GAD2: variants seen among roughly 807,000 people sequenced by gnomAD.
The protein encoded by GAD2 is 65 kDa glutamic acid decarboxylase.
GAD2 carries 22 observed loss-of-function variants against 80.1 expected under a neutral mutation model. That is an observed-to-expected ratio of 0.27 (90% confidence interval 0.20 to 0.39). The LOEUF is 0.39. GAD2 is among the 10% of genes least tolerant of loss of function. GAD2 has a pLI of 1.00. For synonymous variants in GAD2, 274 were observed against 256.9 expected (o/e 1.07, Z -0.64); for missense variants, 624 against 738.4 (o/e 0.85, Z 1.80).
chr10:26,265,203 G>A (rs571792695), intron 8 of GAD2, among the ~76,000 whole-genome samples: 269 of 136,022 alleles, frequency 2.0e-3, no homozygotes, highest in African/African-American at 7.9e-3. Context: ...AGCATCATAC[G>A]ACTTTTTTTT....
At chr10:26,239,441 G>A (rs1000229848) in intron 7 of GAD2, among the ~76,000 whole-genome samples, 4 of 152,138 alleles carry the variant, frequency 2.6e-5, no homozygotes, top group African/African-American at 9.7e-5. Flanking sequence ...GGTCCACGGA[G>A]TCCACCAGAG....
At chr10:26,292,021 GCAGA>G (rs1834220765) in intron 13 of GAD2, among the ~76,000 whole-genome samples, 1 of 152,158 alleles carries the variant, frequency 6.6e-6, no homozygotes, top group Admixed American at 6.5e-5. Context: ...AGGTACACTG[GCAGA>G]CAAAGATGGG....
chr10:26,257,489 C>T (rs761555286), intron 8 of GAD2, among the ~76,000 whole-genome samples: 2 of 152,224 alleles, frequency 1.3e-5, no homozygotes, highest in South Asian at 2.1e-4. Flanking sequence ...ATCTGAATTA[C>T]TCATAATTTG....
At chr10:26,257,243 G>C (rs975868544) in intron 8 of GAD2, among the ~76,000 whole-genome samples, 2 of 152,070 alleles carry the variant, frequency 1.3e-5, no homozygotes, top group Non-Finnish European at 2.9e-5. Flanking sequence ...CAGGCATGGT[G>C]GTGGGCACCT....
rs1315193127 is a variant in GAD2, at chr10:26,304,376, T to G, written c.*3415T>G. The G allele has an allele frequency of 1.3e-5, 2 of 152,642 alleles. No individual in the cohort carries two copies. The highest frequency in any genetic ancestry group is 2.9e-5 in the Non-Finnish European group (2 of 68,040). 9.5% of individuals were successfully genotyped at this position (152,642 alleles called of 1,614,324 possible). ...CAAACTACCGTTCCCAAATTGGTGT[T>G]TCTGAATGACATCAACATTCCCCCA... On this transcript the variant is annotated 3_prime_UTR_variant, in exon 16 of 16. Coordinates refer to ENST00000376261, the MANE Select transcript of GAD2 (RefSeq NM_001134366.2).
At chr10:26,228,839 G>A (rs894158796) in intron 6 of GAD2, among the ~76,000 whole-genome samples, 2 of 151,398 alleles carry the variant, frequency 1.3e-5, no homozygotes, top group Non-Finnish European at 2.9e-5. Flanking sequence ...TGGAAAAATT[G>A]TCTTCCACGA....
At chr10:26,221,191 GT>G (rs1480763349) in intron 4 of GAD2, among the ~76,000 whole-genome samples, 8 of 152,214 alleles carry the variant, frequency 5.3e-5, no homozygotes, top group African/African-American at 1.9e-4. Context: ...TTTAGGGTAT[GT>G]CAAATTAGTT....
intron 7 of GAD2, among the ~76,000 whole-genome samples, chr10:26,241,308 T>A (rs938927990): frequency 6.6e-6 from 1 of 152,230 alleles, no homozygotes; most frequent in Non-Finnish European, 1.5e-5. Flanking sequence ...GAGTCTTGAT[T>A]ATTTTGGGAC....
At chr10:26,225,229 T>A (rs747780531) in intron 6 of GAD2, among the ~76,000 whole-genome samples, 2 of 152,200 alleles carry the variant, frequency 1.3e-5, no homozygotes, top group Non-Finnish European at 2.9e-5. Flanking sequence ...TCCCTTCTCT[T>A]CTTTATCATG....
At position 26,217,918 on chromosome 10, in the gene GAD2, C is replaced by T. The variant is rs569478704; in HGVS notation, c.213C>T (p.Ala71=). 25 of 1,611,306 alleles carry T rather than the reference C, an allele frequency of 1.6e-5. No homozygotes were observed. The East Asian group carries it at 4.0e-4, about 26-fold the overall frequency. ...CCCCGCGGGCCGCCGCCCGGAAGGC[C>T]GCCTGCGCCTGCGACCAGAAGCCCT... ...SQPPRAAARK[A]ACACDQKPCS... The change falls in exon 3 of 16, where the codon GCC becomes GCT. Residue 71 remains alanine (A), a synonymous_variant. Coordinates refer to ENST00000376261, the MANE Select transcript of GAD2 (RefSeq NM_001134366.2). This position sits in a 1 kb window ranked among gnomAD's most constrained non-coding sequence, Gnocchi z 4.9.
At chr10:26,255,903 AC>A (rs970714296) in intron 8 of GAD2, among the ~76,000 whole-genome samples, 15 of 149,558 alleles carry the variant, frequency 1.0e-4, no homozygotes, top group African/African-American at 3.4e-4. Flanking sequence ...TGCAAGGAGG[AC>A]TGGGGAGGGA....
intron 11 of GAD2, among the ~76,000 whole-genome samples, chr10:26,278,165 A>G (rs1006925481): frequency 3.9e-5 from 6 of 152,196 alleles, no homozygotes; most frequent in African/African-American, 1.4e-4. Context: ...ATAGGCCCCC[A>G]CGTAGAGATA....
intron 11 of GAD2, among the ~76,000 whole-genome samples, chr10:26,280,206 G>A (rs1845256456): frequency 6.6e-6 from 1 of 152,196 alleles, no homozygotes. Context: ...TGCTATTTCT[G>A]TGGACAAAGA....
At position 26,304,248 on chromosome 10, in the gene GAD2, A is replaced by G. The variant is rs1205664497; in HGVS notation, c.*3287A>G. ...GGACAAAGAAGGCACAGGTGTAAATATAGTAGCAGGATGAGGAACCTCAAA... is the reference window on the plus strand; with the variant it reads ...GGACAAAGAAGGCACAGGTGTAAATGTAGTAGCAGGATGAGGAACCTCAAA... On this transcript the variant is annotated 3_prime_UTR_variant, in exon 16 of 16. Coordinates refer to ENST00000376261, the MANE Select transcript of GAD2 (RefSeq NM_001134366.2). 1 of 152,600 alleles carries G rather than the reference A, an allele frequency of 6.6e-6. No individual in the cohort carries two copies. Among genetic ancestry groups the G allele is most frequent in the South Asian group, 2.1e-4 (1 of 4,826 alleles). 9.5% of individuals were successfully genotyped at this position (152,600 alleles called of 1,614,324 possible).
chr10:26,221,038 C>CAAT (rs1199287648), intron 4 of GAD2, among the ~76,000 whole-genome samples: 17 of 152,320 alleles, frequency 1.1e-4, no homozygotes, highest in South Asian at 1.0e-3. Context: ...TTCAATCTCT[C>CAAT]AATAGTTTTC....
At chr10:26,273,567 A>G in intron 10 of GAD2, 69 bp from the exon 11 acceptor site, 10 of 1,313,350 alleles carry the variant, frequency 7.6e-6, no homozygotes, top group Non-Finnish European at 1.1e-5. Context: ...TCACCTAGAA[A>G]GACACCAGAC....
chr10:26,276,630 C>T (rs1028787939), intron 11 of GAD2, among the ~76,000 whole-genome samples: 7 of 151,942 alleles, frequency 4.6e-5, no homozygotes, highest in African/African-American at 7.2e-5. Context: ...TCAAGTGATC[C>T]GCTCGCCTCG....
At chr10:26,286,996 T>A (rs1256491413) in intron 13 of GAD2, among the ~76,000 whole-genome samples, 1 of 152,220 alleles carries the variant, frequency 6.6e-6, no homozygotes, top group African/African-American at 2.4e-5. Context: ...AATCACCTCC[T>A]TTTATGTAGA....
intron 12 of GAD2, among the ~76,000 whole-genome samples, chr10:26,286,096 A>G (rs1357889600): frequency 6.6e-6 from 1 of 152,228 alleles, no homozygotes; most frequent in Non-Finnish European, 1.5e-5. Context: ...GAGTAAAAGT[A>G]TAAATGTGTC....
Sources: allele counts gnomAD v4.1 joint callset (sites outside exome capture counted in the v4.1 genomes callset), GRCh38; gene constraint gnomAD v4.1.1; non-coding constraint Gnocchi (gnomAD v3.1); transcripts MANE v1.5; gene names NCBI Gene and HGNC (gene_info 2026-07-23, HGNC 2026-07-21).